MYO3B: variants seen among roughly 807,000 people sequenced by gnomAD.
MYO3B encodes the protein myosin IIIB.
MYO3B carries 156 observed loss-of-function variants against 174.6 expected under a neutral mutation model. The observed-to-expected ratio is 0.89, with a 90% CI of 0.78 to 1.02. The LOEUF is 1.02. MYO3B is among the 50% of genes least tolerant of loss of function. The pLI is 0.00. For missense variants in MYO3B, 1,632 were observed against 1,639.4 expected, an observed-to-expected ratio of 1.00 and a Z score of 0.08; for synonymous variants, 563 against 569.1, an observed-to-expected ratio of 0.99 and a Z score of 0.15.
chr2:170,184,487 G>A (rs2092439402), intron 1 of MYO3B, among the ~76,000 whole-genome samples: 1 of 152,104 alleles, frequency 6.6e-6, no homozygotes, highest in Non-Finnish European at 1.5e-5. Context: ...ATTACCTCCA[G>A]TTTCATCCAT....
chr2:170,204,315 C>T (rs970647071), intron 3 of MYO3B, among the ~76,000 whole-genome samples: 1 of 152,154 alleles, frequency 6.6e-6, no homozygotes, highest in African/African-American at 2.4e-5. Context: ...ACCCAACACC[C>T]TTAAAAGACA....
Position 170,513,973 on chromosome 2 carries a change from C to T in MYO3B, c.3371-948C>T, listed in dbSNP as rs150703388. Among the ~76,000 whole-genome samples, 13 of 152,202 alleles carry T rather than the reference C, an allele frequency of 8.5e-5. No individual in the cohort carries two copies. The East Asian group carries it at 1.4e-3, about 16-fold the overall frequency. On this transcript the variant is annotated intron_variant, in intron 28 of 34. Coordinates refer to ENST00000408978, the MANE Select transcript of MYO3B (RefSeq NM_138995.5). ...GTGGTATATTTGGAAGCACTGCTGCCGGAAATAGAAATTGCCAAAGCCAGA... is the reference window on the plus strand; with the variant it reads ...GTGGTATATTTGGAAGCACTGCTGCTGGAAATAGAAATTGCCAAAGCCAGA...
At chr2:170,188,595 G>C (rs2092499650) in intron 1 of MYO3B, among the ~76,000 whole-genome samples, 1 of 151,520 alleles carries the variant, frequency 6.6e-6, no homozygotes, top group Non-Finnish European at 1.5e-5. Context: ...GGTATGTTTT[G>C]ATTACTTGCT....
At chr2:170,457,071 A>C (rs1003452973) in intron 23 of MYO3B, among the ~76,000 whole-genome samples, 2 of 152,260 alleles carry the variant, frequency 1.3e-5, no homozygotes, top group African/African-American at 4.8e-5. Context: ...AATGTGGTAC[A>C]AAAGATTAAA....
At chr2:170,415,074 T>C (rs2105837953) in intron 22 of MYO3B, among the ~76,000 whole-genome samples, 1 of 152,356 alleles carries the variant, frequency 6.6e-6, no homozygotes, top group African/African-American at 2.4e-5. Context: ...TATTTCTTTT[T>C]CTTGCCTTAT....
chr2:170,596,276 C>T (rs1694139511), intron 32 of MYO3B, among the ~76,000 whole-genome samples: 1 of 152,202 alleles, frequency 6.6e-6, no homozygotes, highest in African/African-American at 2.4e-5. Flanking sequence ...AGTCCCATCA[C>T]AACCTTTCTG....
In MYO3B at chr2:170,578,013, T is replaced by A. The variant is rs1304685191; in HGVS notation, c.3733+34025T>A. Among the ~76,000 whole-genome samples, 3 of 152,224 alleles carry A rather than the reference T, an allele frequency of 2.0e-5. No individual in the cohort carries two copies. In the East Asian group the frequency reaches 5.8e-4, roughly 29 times the overall value. ...ACGTTTACATGCACACACAGGTATG[T>A]TTTTCCTGTTTAATATTTTGGAAAT... On this transcript the variant is annotated intron_variant, in intron 32 of 34. Coordinates refer to ENST00000408978, the MANE Select transcript of MYO3B (RefSeq NM_138995.5).
intron 32 of MYO3B, among the ~76,000 whole-genome samples, chr2:170,608,613 A>T (rs74584371): frequency 6.6e-6 from 1 of 151,818 alleles, no homozygotes; most frequent in Non-Finnish European, 1.5e-5. Context: ...AAAAAAAAAA[A>T]CATACAACTT....
intron 32 of MYO3B, among the ~76,000 whole-genome samples, chr2:170,571,101 C>G (rs1692410397): frequency 2.6e-5 from 4 of 152,170 alleles, no homozygotes; most frequent in Admixed American, 2.6e-4. Flanking sequence ...TTTCACCAAG[C>G]AATGAGTAAT....
chr2:170,550,283 G>A (rs1690793145), intron 32 of MYO3B, among the ~76,000 whole-genome samples: 1 of 152,226 alleles, frequency 6.6e-6, no homozygotes, highest in Non-Finnish European at 1.5e-5. Flanking sequence ...TTGCTAGCAT[G>A]TGAGGTTAGA....
chr2:170,183,859 A>C (rs2092432432), intron 1 of MYO3B, among the ~76,000 whole-genome samples: 1 of 150,120 alleles, frequency 6.7e-6, no homozygotes, highest in African/African-American at 2.4e-5. Context: ...AAAGGAATTA[A>C]CCCATTTGAA....
At chr2:170,575,444 A>G (rs1406139535) in intron 32 of MYO3B, among the ~76,000 whole-genome samples, 1 of 152,274 alleles carries the variant, frequency 6.6e-6, no homozygotes, top group South Asian at 2.1e-4. Context: ...GGGTAAAAAA[A>G]GCATAGACAG....
In MYO3B at chr2:170,524,847, A is replaced by G. The variant is rs118070054; in HGVS notation, c.3575+5307A>G. Among the ~76,000 whole-genome samples, 127 of 152,204 alleles carry G rather than the reference A, an allele frequency of 8.3e-4. 1 individual carries two copies. The East Asian group carries it at 0.021, about 25-fold the overall frequency. ...TTATGGGAAAGGTATAGATTTTACA[A>G]TCTCTGACATTGAGAGATCACAAGT... is the stretch of plus-strand genomic sequence containing the variant. On this transcript the variant is annotated intron_variant, in intron 30 of 34. Coordinates refer to ENST00000408978, the MANE Select transcript of MYO3B (RefSeq NM_138995.5).
intron 7 of MYO3B, among the ~76,000 whole-genome samples, chr2:170,270,068 A>G (rs1233136850): frequency 6.6e-6 from 1 of 152,204 alleles, no homozygotes; most frequent in Non-Finnish European, 1.5e-5. Flanking sequence ...GTTATAATAA[A>G]TCTTTGCATA....
At chr2:170,628,424 G>T (rs533593738) in intron 32 of MYO3B, among the ~76,000 whole-genome samples, 1 of 152,202 alleles carries the variant, frequency 6.6e-6, no homozygotes, top group Admixed American at 6.5e-5. Flanking sequence ...GGAGTGACCC[G>T]ATTTTCCAGG....
chr2:170,203,492 GGGC>G (rs528464530), intron 3 of MYO3B, among the ~76,000 whole-genome samples: 5,788 of 135,064 alleles, frequency 0.043, 493 homozygotes, highest in East Asian at 0.27. Flanking sequence ...AAGCAAAAGG[GGGC>G]GGCGGGGGGG....
At chr2:170,337,639 T>C (rs2093954262) in intron 8 of MYO3B, among the ~76,000 whole-genome samples, 1 of 152,202 alleles carries the variant, frequency 6.6e-6, no homozygotes. Context: ...CCCCACCTTA[T>C]GAAGTCAAAA....
At chr2:170,250,011 A>G (rs2105328132) in intron 7 of MYO3B, among the ~76,000 whole-genome samples, 1 of 152,352 alleles carries the variant, frequency 6.6e-6, no homozygotes, top group African/African-American at 2.4e-5. Flanking sequence ...TAGAACAATG[A>G]CAGGCTAATC....
chr2:170,374,103 G>T (rs1276513756), intron 9 of MYO3B, among the ~76,000 whole-genome samples: 7 of 152,180 alleles, frequency 4.6e-5, no homozygotes, highest in Admixed American at 4.6e-4. Flanking sequence ...CATCACCACT[G>T]CCGCCTTTCT....
Sources: allele counts gnomAD v4.1 joint callset (sites outside exome capture counted in the v4.1 genomes callset), GRCh38; gene constraint gnomAD v4.1.1; transcripts MANE v1.5; gene names NCBI Gene and HGNC (gene_info 2026-07-23, HGNC 2026-07-21).